The following PRPF6 variants were observed in gnomAD, a reference collection of about 807,000 sequenced individuals.
PRPF6 encodes the protein pre-mRNA processing factor 6.
A neutral mutation model predicts 118.3 loss-of-function variants in PRPF6; 42 were observed. The ratio of observed to expected loss-of-function variants is 0.35; its 90% CI spans 0.28 to 0.46. The LOEUF is 0.46. Among genes scored for constraint, PRPF6 ranks in the 20% least tolerant of loss-of-function variants. PRPF6 has a pLI of 1.00. For synonymous variants in PRPF6, 481 were observed against 485.1 expected (o/e 0.99, Z 0.11); for missense variants, 662 against 1,255.7 (o/e 0.53, Z 7.15).
chr20:64,027,526 G>A lies in PRPF6; in HGVS notation c.2206-77G>A, dbSNP rs1458876821. On this transcript the variant is annotated intron_variant, in intron 16 of 20. Coordinates refer to ENST00000266079, the MANE Select transcript of PRPF6 (RefSeq NM_012469.4). The surrounding 1 kb of genome is among the most constrained non-coding windows in gnomAD (Gnocchi z 6.5). Reference sequence around the variant, plus strand: ...CTGAGGGACTCGGTCACCCACTGCAGATGAGAAGCTGGGCATGGCTGTGTC... The same window carrying A: ...CTGAGGGACTCGGTCACCCACTGCAAATGAGAAGCTGGGCATGGCTGTGTC... 4 of 1,600,510 alleles carry A rather than the reference G, an allele frequency of 2.5e-6. No individual in the cohort carries two copies. Among genetic ancestry groups the A allele is most frequent in the Non-Finnish European group, 3.4e-6 (4 of 1,168,218 alleles).
chr20:64,031,071 C>T (rs780679189), intron 19 of PRPF6, among the ~76,000 whole-genome samples: 23 of 152,242 alleles, frequency 1.5e-4, no homozygotes, highest in African/African-American at 3.4e-4. Flanking sequence ...TGGACCTCTT[C>T]GGGCCCGGTT....
At chr20:64,017,954 G>A (rs1267933953) in intron 12 of PRPF6, among the ~76,000 whole-genome samples, 3 of 152,218 alleles carry the variant, frequency 2.0e-5, no homozygotes, top group Admixed American at 6.5e-5. Context: ...TGTAATTCCA[G>A]CACTTTGGGA....
rs1419344739 is a variant in PRPF6, at chr20:64,028,149, G to A, written c.2340-329G>A. Among the ~76,000 whole-genome samples, 1 of 152,210 alleles carries A rather than the reference G, an allele frequency of 6.6e-6. No individual in the cohort carries two copies. The highest frequency in any genetic ancestry group is 2.4e-5 in the African/African-American group (1 of 41,452). ...CTCAGGGTGACGGGGCTGGAGCACT[G>A]TGCAGGCACTGCCGCAGACAGGCAG... On this transcript the variant is annotated intron_variant, in intron 17 of 20. Transcript: ENST00000266079. The surrounding 1 kb of genome is among the most constrained non-coding windows in gnomAD (Gnocchi z 6.5).
At chr20:64,002,890 C>T (rs576742277) in intron 9 of PRPF6, among the ~76,000 whole-genome samples, 7 of 149,240 alleles carry the variant, frequency 4.7e-5, no homozygotes, top group East Asian at 2.0e-4. Context: ...GTGATCCACC[C>T]ACCTCGACCT....
Position 63,983,146 on chromosome 20 carries a change from G to C in PRPF6, c.171G>C (p.Gly57=), listed in dbSNP as rs749669162. ...CACCCCCAGGCAAGAGAACCGTTGG[G>C]GACCAGATGAAGAAAAATCAGGCTG... is the stretch of plus-strand genomic sequence containing the variant. The part of the protein sequence containing the change: ...RHAPPGKRTV[G]DQMKKNQAAD... The change falls in exon 2 of 21, where the codon GGG becomes GGC. Residue 57 remains glycine (G), a synonymous_variant. Coordinates refer to ENST00000266079, the MANE Select transcript of PRPF6 (RefSeq NM_012469.4). 1.3e-5 allele frequency: 21 copies of C among 1,614,054 alleles called. No individual in the cohort carries two copies. The highest frequency in any genetic ancestry group is 1.4e-5 in the Non-Finnish European group (17 of 1,180,050).
Position 63,981,156 on chromosome 20 carries a change from G to C in PRPF6, c.-90G>C. The C allele has an allele frequency of 3.0e-6, 4 of 1,348,322 alleles. No individual in the cohort carries two copies. Among genetic ancestry groups the C allele is most frequent in the Non-Finnish European group, 4.2e-6 (4 of 962,552 alleles). 83.5% of individuals were successfully genotyped at this position (1,348,322 alleles called of 1,614,324 possible). A position where few individuals can be genotyped will look rare whatever the true frequency, so the allele number is the denominator to read the frequency against. On this transcript the variant is annotated 5_prime_UTR_variant, in exon 1 of 21. Transcript: ENST00000266079. ...CGACGGCGACACTTTGCTACGGAGT[G>C]CATCGGACGTCGAAGCCTAGAGTCT...
Position 63,999,639 on chromosome 20 carries a change from T to G in PRPF6, c.903T>G (p.Val301=), listed in dbSNP as rs2123021141. ...IKKARLLLKS[V]RETNPHHPPA... Reference sequence around the variant, plus strand: ...AGGCGCGACTGCTCCTCAAGTCTGTTCGGGAGACGAACCCTCATCACCCGC... The same window carrying G: ...AGGCGCGACTGCTCCTCAAGTCTGTGCGGGAGACGAACCCTCATCACCCGC... Residue 301 remains valine (V), a synonymous_variant, in exon 8 of 21, where the codon GTT becomes GTG. Transcript: ENST00000266079. 1.2e-6 allele frequency: 2 copies of G among 1,614,170 alleles called. No homozygotes were observed. Among genetic ancestry groups the G allele is most frequent in the East Asian group, 4.5e-5 (2 of 44,878 alleles).
At chr20:63,982,802 G>C (rs1302307444) in intron 1 of PRPF6, among the ~76,000 whole-genome samples, 1 of 152,148 alleles carries the variant, frequency 6.6e-6, no homozygotes, top group Non-Finnish European at 1.5e-5. Flanking sequence ...GGATGTGGAG[G>C]GGGAGATGAT....
intron 2 of PRPF6, 80 bp downstream of exon 2, chr20:63,983,295 T>C: frequency 6.4e-7 from 1 of 1,563,152 alleles, no homozygotes. Context: ...TTGGTGTCTG[T>C]AATGAATGGC....
At chr20:63,982,205 T>G (rs559731290) in intron 1 of PRPF6, among the ~76,000 whole-genome samples, 18 of 152,242 alleles carry the variant, frequency 1.2e-4, no homozygotes, top group Admixed American at 3.9e-4. Context: ...CAAAGTCTTG[T>G]TCTGTCGCCC....
intron 3 of PRPF6, among the ~76,000 whole-genome samples, chr20:63,987,192 G>T (rs957959565): frequency 1.7e-4 from 25 of 148,358 alleles, no homozygotes; most frequent in South Asian, 8.6e-4. Context: ...AAAAAAAAGG[G>T]GGGGGGAGCA....
At chr20:64,032,347 T>C (rs2059318695) in intron 20 of PRPF6, among the ~76,000 whole-genome samples, 1 of 152,208 alleles carries the variant, frequency 6.6e-6, no homozygotes, top group Admixed American at 6.5e-5. Flanking sequence ...GAGCCTGGGC[T>C]CACTTTAGGA....
intron 9 of PRPF6, among the ~76,000 whole-genome samples, chr20:64,003,856 T>G (rs112623796): frequency 4.6e-5 from 7 of 151,912 alleles, no homozygotes; most frequent in African/African-American, 1.7e-4. Flanking sequence ...CCTCGGCCTC[T>G]CAAAGTGCTG....
In PRPF6 at chr20:63,995,389, G is replaced by T. The variant is rs2059136929; in HGVS notation, c.678G>T (p.Met226Ile). 1.9e-6 allele frequency: 3 copies of T among 1,614,014 alleles called. No individual in the cohort carries two copies. Among genetic ancestry groups the T allele is most frequent in the African/African-American group, 2.7e-5 (2 of 74,916 alleles). ...GGLNTPYPGG[M>I]TPGLMTPGTG... Reference sequence around the variant, plus strand: ...TAAACACTCCATACCCAGGTGGAATGACGCCAGGACTGATGACACCTGGCA... The same window carrying T: ...TAAACACTCCATACCCAGGTGGAATTACGCCAGGACTGATGACACCTGGCA... Residue 226 changes from methionine (M) to isoleucine (I), a missense_variant, in exon 6 of 21, where the codon ATG (methionine) becomes ATT (isoleucine). Met to Ile is a conservative substitution (Grantham distance 10, BLOSUM62 1). Transcript: ENST00000266079.
intron 9 of PRPF6, among the ~76,000 whole-genome samples, chr20:64,002,014 GTTTTTTTTTTTT>G (rs386394238): frequency 1.2e-5 from 1 of 83,242 alleles, no homozygotes. Flanking sequence ...TTTTTTTCTG[GTTTTTTTTTTTT>G]TTTTTTTTTT....
intron 9 of PRPF6, among the ~76,000 whole-genome samples, chr20:64,007,802 G>A (rs2123044423): frequency 6.6e-6 from 1 of 151,814 alleles, no homozygotes; most frequent in Admixed American, 6.6e-5. Flanking sequence ...TTTTGAGTTG[G>A]AGTCTCTCTC....
chr20:64,021,304 G>T (rs897579867), intron 12 of PRPF6, among the ~76,000 whole-genome samples: 2 of 150,912 alleles, frequency 1.3e-5, no homozygotes, highest in Non-Finnish European at 2.9e-5. Context: ...GTGTGTGTGT[G>T]TGTGCATGTA....
In PRPF6 at chr20:64,001,212, C is replaced by T. The variant is rs745598284; in HGVS notation, c.1159C>T (p.Arg387Cys). The change falls in exon 9 of 21, where the codon CGT becomes TGT. Residue 387 changes from arginine to cysteine, a missense_variant. Around this residue, in one of 10 missense-constraint regions of PRPF6, gnomAD observed 189 missense variants for 323.5 expected, o/e 0.58. Transcript: ENST00000266079. The stretch of plus-strand genomic sequence containing the variant: ...AGCCGCAGAGCTGGAAACGGACATT[C>T]GTGCAAAGAAGCGGGTTCTTCGGAA... ...IRAAELETDIRAKKRVLRKAL... is the reference protein window; with the variant it reads ...IRAAELETDICAKKRVLRKAL... The T allele has an allele frequency of 3.1e-6, 5 of 1,614,126 alleles. No homozygotes were observed. The highest frequency in any genetic ancestry group is 4.2e-6 in the Non-Finnish European group (5 of 1,180,050).
intron 9 of PRPF6, among the ~76,000 whole-genome samples, chr20:64,009,834 T>C (rs953705922): frequency 6.6e-6 from 1 of 152,218 alleles, no homozygotes; most frequent in Non-Finnish European, 1.5e-5. Context: ...TTTACCAAGA[T>C]TAGTTTTGCC....
Sources: gnomAD v4.1 joint callset for allele counts (sites outside exome capture counted in the v4.1 genomes callset) on GRCh38, gnomAD v4.1.1 for gene constraint, gnomAD v4.1.1 regional missense constraint, Gnocchi (gnomAD v3.1) non-coding constraint, MANE v1.5 for transcripts, NCBI Gene and HGNC (gene_info 2026-07-23, HGNC 2026-07-21) for gene names.